The following SMAD2 variants were observed in gnomAD, a reference collection of about 807,000 sequenced individuals.
The protein encoded by SMAD2 is MAD homolog 2.
A neutral mutation model predicts 64.4 loss-of-function variants in SMAD2; 8 were observed. The observed-to-expected ratio is 0.12, with a 90% CI of 0.07 to 0.22. The LOEUF is 0.22. Among genes scored for constraint, SMAD2 ranks in the 10% least tolerant of loss-of-function variants. SMAD2 has a pLI of 1.00. For synonymous variants in SMAD2, 203 were observed against 195.8 expected, an observed-to-expected ratio of 1.04 and a Z score of -0.31; for missense variants, 289 against 561.2, an observed-to-expected ratio of 0.51 and a Z score of 4.90.
chr18:47,926,486 A>G (rs2034770362), intron 1 of SMAD2, among the ~76,000 whole-genome samples: 1 of 152,148 alleles, frequency 6.6e-6, no homozygotes, highest in Non-Finnish European at 1.5e-5. Context: ...GACAAGAGAC[A>G]CTAGGCTAAC....
chr18:47,925,673 AAC>A (rs1362646438), intron 1 of SMAD2, among the ~76,000 whole-genome samples: 2 of 152,224 alleles, frequency 1.3e-5, no homozygotes, highest in African/African-American at 4.8e-5. Context: ...ATAAGCCTCT[AAC>A]TATGCATTTT....
chr18:47,904,103 A>G (rs1265521479), intron 1 of SMAD2, among the ~76,000 whole-genome samples: 3 of 151,902 alleles, frequency 2.0e-5, no homozygotes, highest in South Asian at 2.1e-4. Context: ...CCGAGCTAGG[A>G]TAACAGTTAA....
chr18:47,894,733 T>G (rs2033358591), intron 2 of SMAD2, among the ~76,000 whole-genome samples: 1 of 152,206 alleles, frequency 6.6e-6, no homozygotes. Flanking sequence ...TTTCTAAGTT[T>G]ATCTCCCTTA....
chr18:47,900,068 C>G (rs1235074206), intron 1 of SMAD2, among the ~76,000 whole-genome samples: 1 of 152,126 alleles, frequency 6.6e-6, no homozygotes, highest in Admixed American at 6.6e-5. Context: ...GCCAATATAA[C>G]AACCTCTATA....
At chr18:47,919,613 T>G (rs1297312670) in intron 1 of SMAD2, among the ~76,000 whole-genome samples, 1 of 151,880 alleles carries the variant, frequency 6.6e-6, no homozygotes, top group African/African-American at 2.4e-5. Context: ...GCGTACTAGG[T>G]GTAGAGGCAA....
At chr18:47,897,774 CT>C (rs1451054197) in intron 1 of SMAD2, among the ~76,000 whole-genome samples, 2 of 152,200 alleles carry the variant, frequency 1.3e-5, no homozygotes, top group Non-Finnish European at 2.9e-5. Context: ...ATTCCTGATC[CT>C]TTAATTGGGG....
At chr18:47,874,466 C>T (rs960487051) in intron 2 of SMAD2, among the ~76,000 whole-genome samples, 3 of 152,206 alleles carry the variant, frequency 2.0e-5, no homozygotes, top group Admixed American at 6.5e-5. Context: ...TCTTAAAACA[C>T]TGGTATATGC....
At chr18:47,897,039 G>A (rs2033469288) in intron 1 of SMAD2, among the ~76,000 whole-genome samples, 1 of 152,150 alleles carries the variant, frequency 6.6e-6, no homozygotes, top group African/African-American at 2.4e-5. Flanking sequence ...GGAAAATACA[G>A]TAATTTTGCA....
chr18:47,899,068 C>T (rs1203629586), intron 1 of SMAD2, among the ~76,000 whole-genome samples: 1 of 151,994 alleles, frequency 6.6e-6, no homozygotes, highest in Non-Finnish European at 1.5e-5. Context: ...GCAGAGAGAT[C>T]AACCAGCAGA....
intron 1 of SMAD2, among the ~76,000 whole-genome samples, chr18:47,927,990 T>C (rs2144560265): frequency 6.6e-6 from 1 of 152,328 alleles, no homozygotes; most frequent in Admixed American, 6.5e-5. Flanking sequence ...TTTTCTGACA[T>C]ACCTTTGGAA....
chr18:47,898,077 G>C (rs529121714), intron 1 of SMAD2, among the ~76,000 whole-genome samples: 1 of 152,234 alleles, frequency 6.6e-6, no homozygotes, highest in South Asian at 2.1e-4. Flanking sequence ...TCAGACAATA[G>C]TTTTTAAACG....
intron 6 of SMAD2, among the ~76,000 whole-genome samples, chr18:47,851,669 T>C (rs968052002): frequency 1.3e-5 from 2 of 152,178 alleles, no homozygotes; most frequent in Non-Finnish European, 2.9e-5. Flanking sequence ...TTTCTTTTCA[T>C]ATACAAGTGG....
In SMAD2 at chr18:47,814,166, A is replaced by G. The variant is rs1912296036; in HGVS notation, c.*27661T>C. ...AGACTTTGACAATATTAAAGATTCC[A>G]TTTTCTTCATATATGCCCCCCTGCT... On this transcript the variant is annotated 3_prime_UTR_variant, in exon 11 of 11. Coordinates refer to ENST00000262160, the MANE Select transcript of SMAD2 (RefSeq NM_005901.6). The G allele has an allele frequency of 6.6e-6, 1 of 152,014 alleles. No individual in the cohort carries two copies. Among genetic ancestry groups the G allele is most frequent in the South Asian group, 2.1e-4 (1 of 4,818 alleles). The allele number at this position is 152,014 out of a possible 1,614,324, so 9.4% of individuals were successfully genotyped here. A position where few individuals can be genotyped will look rare whatever the true frequency, so the allele number is the denominator to read the frequency against.
chr18:47,853,004 G>C (rs2030276540), intron 6 of SMAD2, among the ~76,000 whole-genome samples: 1 of 152,130 alleles, frequency 6.6e-6, no homozygotes, highest in African/African-American at 2.4e-5. Flanking sequence ...CATGACCCAA[G>C]CTTCAAATGT....
intron 6 of SMAD2, among the ~76,000 whole-genome samples, chr18:47,854,317 T>A (rs2030451164): frequency 6.6e-6 from 1 of 152,222 alleles, no homozygotes; most frequent in Admixed American, 6.5e-5. Context: ...GTAGGATACA[T>A]TCGTCAAACC....
intron 5 of SMAD2, among the ~76,000 whole-genome samples, chr18:47,867,849 A>C (rs1337728862): frequency 6.6e-6 from 1 of 152,168 alleles, no homozygotes; most frequent in Non-Finnish European, 1.5e-5. Flanking sequence ...ATAATATGTA[A>C]GTGTTGCTAT....
At chr18:47,871,558 G>C (rs1380339118) in intron 2 of SMAD2, among the ~76,000 whole-genome samples, 2 of 152,144 alleles carry the variant, frequency 1.3e-5, no homozygotes, top group African/African-American at 4.8e-5. Context: ...TAGCTATCAG[G>C]CTGCAGGAAC....
intron 6 of SMAD2, among the ~76,000 whole-genome samples, chr18:47,861,229 GCCTGTAAA>G (rs950840406): frequency 2.6e-5 from 4 of 152,098 alleles, no homozygotes; most frequent in African/African-American, 9.6e-5. Flanking sequence ...GGTAGTGCAT[GCCTGTAAA>G]CCCAGCTACT....
chr18:47,907,068 A>AG (rs1203448758), intron 1 of SMAD2, among the ~76,000 whole-genome samples: 1 of 152,226 alleles, frequency 6.6e-6, no homozygotes, highest in African/African-American at 2.4e-5. Flanking sequence ...TACCACATCA[A>AG]GCAACTAGAA....
Sources: allele counts gnomAD v4.1 joint callset (sites outside exome capture counted in the v4.1 genomes callset), GRCh38; gene constraint gnomAD v4.1.1; transcripts MANE v1.5; gene names NCBI Gene and HGNC (gene_info 2026-07-23, HGNC 2026-07-21).